The following TMEM33 variants were observed in gnomAD, a reference collection of about 807,000 sequenced individuals.
The protein encoded by TMEM33 is transmembrane protein 33.
In TMEM33, 16 loss-of-function variants were observed where a neutral mutation model predicts 29.7. The ratio of observed to expected loss-of-function variants is 0.54; its 90% CI spans 0.36 to 0.82. TMEM33 has a LOEUF of 0.82. Among genes scored for constraint, TMEM33 ranks in the 40% least tolerant of loss-of-function variants. The probability of loss-of-function intolerance (pLI) is 0.00; values close to 1 mark genes in which losing one functional copy is unlikely to be tolerated. For synonymous variants in TMEM33, 112 were observed against 109.4 expected (o/e 1.02, Z -0.15); for missense variants, 252 against 295.3 (o/e 0.85, Z 1.08).
chr4:41,946,588 C>T (rs910643772), intron 5 of TMEM33, among the ~76,000 whole-genome samples: 1 of 152,106 alleles, frequency 6.6e-6, no homozygotes, highest in Non-Finnish European at 1.5e-5. Flanking sequence ...AGATTTGATG[C>T]AGTTGTATTT....
Position 41,943,796 on chromosome 4 carries a change from T to C in TMEM33, c.378T>C (p.Tyr126=), listed in dbSNP as rs116070412. ...TCTCTTTGCTTCATGCTGCCACATATACGAAAAAGGTCCTTGACGTAAGTA... is the reference window on the plus strand; with the variant it reads ...TCTCTTTGCTTCATGCTGCCACATACACGAAAAAGGTCCTTGACGTAAGTA... ...LLFSLLHAAT[Y]TKKVLDARGS... is the part of the protein sequence containing the mutation. Residue 126 remains tyrosine, a synonymous_variant, in exon 4 of 7, where the codon TAT becomes TAC. Coordinates refer to ENST00000504986, the MANE Select transcript of TMEM33 (RefSeq NM_018126.3). 1,159 of 1,613,898 alleles carry C rather than the reference T, an allele frequency of 7.2e-4. 12 individuals are homozygous for C. The African/African-American group carries it at 0.012, about 17-fold the overall frequency.
chr4:41,939,158 T>C, intron 2 of TMEM33, 38 bp from the exon 3 acceptor site: 3 of 1,544,876 alleles, frequency 1.9e-6, no homozygotes, highest in Non-Finnish European at 2.6e-6. Flanking sequence ...CTGCAGTTGT[T>C]TATGTCTCAT....
chr4:41,946,815 TAGTA>T (rs1359880872), intron 5 of TMEM33, among the ~76,000 whole-genome samples: 1 of 152,202 alleles, frequency 6.6e-6, no homozygotes, highest in Admixed American at 6.5e-5. Flanking sequence ...AATTATTAAT[TAGTA>T]AGAGGAACTT....
At position 41,959,791 on chromosome 4, in the gene TMEM33, G is replaced by T. The variant is rs980621860; in HGVS notation, c.*5592G>T. ...GTGTATATTGGAACAAATGTAAAAG[G>T]GTTACAAAGATTAGAAACAGAGTCA... On this transcript the variant is annotated 3_prime_UTR_variant, in exon 7 of 7. Coordinates refer to ENST00000504986, the MANE Select transcript of TMEM33 (RefSeq NM_018126.3). 2 of 152,000 alleles carry T rather than the reference G, an allele frequency of 1.3e-5. No individual in the cohort carries two copies. The highest frequency in any genetic ancestry group is 4.8e-5 in the African/African-American group (2 of 41,386). The allele number at this position is 152,000 out of a possible 1,614,324, so 9.4% of individuals were successfully genotyped here. A position where few individuals can be genotyped will look rare whatever the true frequency, so the allele number is the denominator to read the frequency against.
chr4:41,953,723 TG>T (rs1246435790), intron 6 of TMEM33: 1 of 457,724 alleles, frequency 2.2e-6, no homozygotes, highest in African/African-American at 2.0e-5. Context: ...CAATCAGGAA[TG>T]GCCTTCATGA....
At position 41,957,716 on chromosome 4, in the gene TMEM33, C is replaced by G. The variant is rs1223684000; in HGVS notation, c.*3517C>G. 1 of 151,982 alleles carries G rather than the reference C, an allele frequency of 6.6e-6. No individual in the cohort carries two copies. Among genetic ancestry groups the G allele is most frequent in the Non-Finnish European group, 1.5e-5 (1 of 68,004 alleles). 9.4% of individuals were successfully genotyped at this position (151,982 alleles called of 1,614,324 possible). On this transcript the variant is annotated 3_prime_UTR_variant, in exon 7 of 7. Coordinates refer to ENST00000504986, the MANE Select transcript of TMEM33 (RefSeq NM_018126.3). ...TAACATAGGTTATTCTGACCACCAC[C>G]TCTTCCTTCCTTAATCTCCTTAGAA...
chr4:41,953,090 C>A (rs1011234593), intron 6 of TMEM33, among the ~76,000 whole-genome samples: 3 of 152,028 alleles, frequency 2.0e-5, no homozygotes, highest in East Asian at 3.9e-4. Flanking sequence ...TTATTAAATA[C>A]CTTTGTTAAA....
At position 41,941,867 on chromosome 4, in the gene TMEM33, C is replaced by A. The variant is rs543855242; in HGVS notation, c.329-1880C>A. Among the ~76,000 whole-genome samples the A allele has an allele frequency of 4.6e-5, 7 of 152,294 alleles. No individual in the cohort carries two copies. The South Asian group carries it at 1.5e-3, about 32-fold the overall frequency. ...ACAGATAGGGCATTTCACCTCTTAT[C>A]TTTTCTAAATACATTGTATTAATAG... is the stretch of plus-strand genomic sequence containing the variant. On this transcript the variant is annotated intron_variant, in intron 3 of 6. Transcript: ENST00000504986.
At chr4:41,935,590 G>A (rs940780422) in intron 1 of TMEM33, 61 bp downstream of exon 1, 22 of 1,536,432 alleles carry the variant, frequency 1.4e-5, no homozygotes, top group East Asian at 2.4e-5. Flanking sequence ...AGCAGGAAGC[G>A]TTGCGAGTCC....
chr4:41,949,242 T>C, intron 5 of TMEM33, 60 bp from the exon 6 acceptor site: 1 of 1,198,650 alleles, frequency 8.3e-7, no homozygotes, highest in Non-Finnish European at 1.2e-6. Context: ...CTTTTAAGTT[T>C]TGAGAGTATA....
intron 5 of TMEM33, among the ~76,000 whole-genome samples, chr4:41,948,669 C>A (rs900694220): frequency 6.6e-6 from 1 of 151,914 alleles, no homozygotes; most frequent in Non-Finnish European, 1.5e-5. Flanking sequence ...ATTAAATAAC[C>A]ATAATATAAG....
chr4:41,953,028 AATAT>A (rs904855666), intron 6 of TMEM33, among the ~76,000 whole-genome samples: 24 of 151,930 alleles, frequency 1.6e-4, no homozygotes, highest in African/African-American at 5.5e-4. Context: ...GTGACTCTAA[AATAT>A]ATATATATAA....
At chr4:41,945,016 A>G in intron 5 of TMEM33, 90 bp downstream of exon 5, 2 of 1,511,420 alleles carry the variant, frequency 1.3e-6, no homozygotes, top group Non-Finnish European at 1.8e-6. Context: ...AATCTGTTGA[A>G]GGTAGGTATT....
intron 5 of TMEM33, among the ~76,000 whole-genome samples, chr4:41,947,951 T>G (rs140452465): frequency 1.2e-3 from 185 of 152,310 alleles, no homozygotes; most frequent in African/African-American, 4.3e-3. Context: ...TATTCATTAG[T>G]ACGGAGTTTG....
Position 41,935,514 on chromosome 4 carries a change from A to C in TMEM33, c.30A>C (p.Gln10His). 2.5e-6 allele frequency: 4 copies of C among 1,609,184 alleles called. No individual in the cohort carries two copies. The highest frequency in any genetic ancestry group is 3.4e-6 in the Non-Finnish European group (4 of 1,177,846). The change falls in exon 1 of 7, where the codon CAA becomes CAC. Residue 10 changes from glutamine to histidine, a missense_variant. Gln to His is a conservative substitution (Grantham distance 24, BLOSUM62 0). Transcript: ENST00000504986. MADTTPNGP[Q>H]GAGAVQFMMT... ...CAGATACGACCCCGAACGGCCCCCA[A>C]GGGGCGGGCGCTGTGGTAAGTGCGA...
intron 2 of TMEM33, 78 bp downstream of exon 2, chr4:41,938,774 C>A: frequency 3.0e-6 from 4 of 1,340,382 alleles, no homozygotes; most frequent in Non-Finnish European, 4.3e-6. Context: ...AGGTGTAAGA[C>A]TTATTAACCT....
chr4:41,951,180 G>T (rs923698532), intron 6 of TMEM33, among the ~76,000 whole-genome samples: 27 of 152,084 alleles, frequency 1.8e-4, no homozygotes, highest in African/African-American at 5.8e-4. Flanking sequence ...AGTGCAGATT[G>T]TCTATAGCTG....
At chr4:41,943,621 A>G (rs1054897188) in intron 3 of TMEM33, 126 bp from the exon 4 acceptor site, 16 of 764,482 alleles carry the variant, frequency 2.1e-5, no homozygotes, top group Non-Finnish European at 3.4e-5. Flanking sequence ...TGTATCAGTA[A>G]AACAAGCCAT....
At chr4:41,938,540 T>C in intron 1 of TMEM33, 62 bp from the exon 2 acceptor site, 1 of 1,469,134 alleles carries the variant, frequency 6.8e-7, no homozygotes, top group Non-Finnish European at 9.5e-7. Context: ...AACCACACAG[T>C]CTTGATGCTT....
Sources: gnomAD v4.1 joint callset for allele counts (sites outside exome capture counted in the v4.1 genomes callset) on GRCh38, gnomAD v4.1.1 for gene constraint, MANE v1.5 for transcripts, NCBI Gene and HGNC (gene_info 2026-07-23, HGNC 2026-07-21) for gene names.